Variants in UPF1 observed in about 807,000 individuals in gnomAD.
UPF1 encodes the protein regulator of nonsense transcripts 1.
A neutral mutation model predicts 129.2 loss-of-function variants in UPF1; 9 were observed. The ratio of observed to expected loss-of-function variants is 0.07; its 90% CI spans 0.04 to 0.12. UPF1 has a LOEUF of 0.12. UPF1 is among the 10% of genes least tolerant of loss of function. The probability of loss-of-function intolerance (pLI) is 1.00; values close to 1 mark genes in which losing one functional copy is unlikely to be tolerated. For missense variants in UPF1, 788 were observed against 1,525.3 expected, an observed-to-expected ratio of 0.52 and a Z score of 8.05; for synonymous variants, 649 against 644.9, an observed-to-expected ratio of 1.01 and a Z score of -0.10.
In UPF1 at chr19:18,855,223, C is replaced by T. The variant is rs1003956120; in HGVS notation, c.1525C>T (p.Leu509=). ...GACGTCGGCCACCATCGTCTACCAC[C>T]TGGCCCGGCAAGGCAACGGGTAGGG... ...TVTSATIVYH[L]ARQGNGPVLV... The change falls in exon 11 of 24, where the codon CTG becomes TTG. Residue 509 remains leucine (L), a synonymous_variant. Coordinates refer to ENST00000262803, the MANE Select transcript of UPF1 (RefSeq NM_002911.4). The T allele has an allele frequency of 5.0e-6, 8 of 1,612,020 alleles. No homozygotes were observed. Among genetic ancestry groups the T allele is most frequent in the Non-Finnish European group, 6.8e-6 (8 of 1,179,974 alleles).
chr19:18,860,114 C>CT (rs1317401534), intron 15 of UPF1: 1 of 610,986 alleles, frequency 1.6e-6, no homozygotes, highest in African/African-American at 1.8e-5. Flanking sequence ...CCATGGTGCT[C>CT]TCGGTGGCCT....
At position 18,862,061 on chromosome 19, in the gene UPF1, A is replaced by G; in HGVS notation, c.2509A>G (p.Ile837Val). The change falls in exon 18 of 24, where the codon ATC becomes GTC. Residue 837 changes from isoleucine to valine, a missense_variant. This residue lies in a region of UPF1 where 140 missense variants were observed against 385.9 expected (regional missense o/e 0.36). Coordinates refer to ENST00000262803, the MANE Select transcript of UPF1 (RefSeq NM_002911.4). Reference sequence around the variant, plus strand: ...CTTTCAGGGACGCGAGAAGGACTTCATCATCCTGTCCTGTGTGCGGGCCAA... The same window carrying G: ...CTTTCAGGGACGCGAGAAGGACTTCGTCATCCTGTCCTGTGTGCGGGCCAA... ...DAFQGREKDF[I>V]ILSCVRANEH... 6.2e-7 allele frequency: 1 copy of G among 1,614,084 alleles called. No homozygotes were observed. The highest frequency in any genetic ancestry group is 8.5e-7 in the Non-Finnish European group (1 of 1,180,028).
In UPF1 at chr19:18,850,447, C is replaced by G. The variant is rs973252488; in HGVS notation, c.629+205C>G. ...GCAGTGCCGTGTAACTCTTTTGGGG[C>G]GTTCTGGCTAAGTCATAAAAACAAT... is the stretch of plus-strand genomic sequence containing the variant. On this transcript the variant is annotated intron_variant, in intron 4 of 23. Coordinates refer to ENST00000262803, the MANE Select transcript of UPF1 (RefSeq NM_002911.4). The surrounding 1 kb of genome is among the most constrained non-coding windows in gnomAD (Gnocchi z 7.1). Among the ~76,000 whole-genome samples, 1 of 152,234 alleles carries G rather than the reference C, an allele frequency of 6.6e-6. No individual in the cohort carries two copies. Among genetic ancestry groups the G allele is most frequent in the African/African-American group, 2.4e-5 (1 of 41,458 alleles).
chr19:18,854,551 A>T, intron 8 of UPF1, 50 bp from the exon 9 acceptor site: 2 of 1,503,622 alleles, frequency 1.3e-6, no homozygotes, highest in South Asian at 2.3e-5. Context: ...GGTGGCCCAG[A>T]AAGGTCAGCC....
In UPF1 at chr19:18,857,191, C is replaced by T. The variant is rs547131739; in HGVS notation, c.1969-129C>T. ...TTCTGCCAGCTGCACGTCCAGTGTG[C>T]GTGGTGAGCAATGCCCCTGTGGCCA... On this transcript the variant is annotated intron_variant, in intron 14 of 23. Transcript: ENST00000262803. 262 of 1,458,128 alleles carry T rather than the reference C, an allele frequency of 1.8e-4. 1 individual carries two copies. The highest frequency in any genetic ancestry group is 1.4e-3 in the East Asian group (61 of 43,780). The allele number at this position is 1,458,128 out of a possible 1,614,324, so 90.3% of individuals were successfully genotyped here.
rs1396108014 is a variant in UPF1 at position 18,855,996 on chromosome 19, T to C, written c.1616T>C (p.Leu539Pro). 1 of 1,613,990 alleles carries C rather than the reference T, an allele frequency of 6.2e-7. No individual in the cohort carries two copies. Among genetic ancestry groups the C allele is most frequent in the Admixed American group, 1.7e-5 (1 of 60,026 alleles). The change falls in exon 12 of 24, where the codon CTA becomes CCA. Residue 539 changes from leucine to proline, a missense_variant. By Grantham distance (98) the Leu-to-Pro change is moderately conservative. Around this residue, in one of 6 missense-constraint regions of UPF1, gnomAD observed 91 missense variants for 157.2 expected, o/e 0.58. Coordinates refer to ENST00000262803, the MANE Select transcript of UPF1 (RefSeq NM_002911.4). ...QLTEKIHQTG[L>P]KVVRLCAKSR... is the part of the protein sequence containing the mutation. The stretch of plus-strand genomic sequence containing the variant: ...ACGGAGAAGATCCACCAGACGGGGC[T>C]AAAGGTCGTGCGCCTCTGCGCCAAG...
chr19:18,863,615 G>A lies in UPF1; in HGVS notation c.2775+3G>A. On this transcript the variant is annotated splice_donor_region_variant and intron_variant, in intron 19 of 23. Transcript: ENST00000262803. Reference sequence around the variant, plus strand: ...AGCTGGTCAACACTATCAACCCGGTGAGCGCCTGCACAGGACAGCAGGGCA... The same window carrying A: ...AGCTGGTCAACACTATCAACCCGGTAAGCGCCTGCACAGGACAGCAGGGCA... 6.2e-7 allele frequency: 1 copy of A among 1,612,566 alleles called. No homozygotes were observed. The highest frequency in any genetic ancestry group is 8.5e-7 in the Non-Finnish European group (1 of 1,179,452).
At chr19:18,861,534 G>C (rs1452965100) in intron 17 of UPF1, among the ~76,000 whole-genome samples, 1 of 152,210 alleles carries the variant, frequency 6.6e-6, no homozygotes, top group Non-Finnish European at 1.5e-5. Flanking sequence ...ACAAATCTCC[G>C]TGGCTAAAAG....
chr19:18,837,697 G>A (rs1342556412), intron 1 of UPF1, among the ~76,000 whole-genome samples: 1 of 152,208 alleles, frequency 6.6e-6, no homozygotes, highest in Non-Finnish European at 1.5e-5. Context: ...GGGTGACCTT[G>A]TAGATAGATG....
At chr19:18,854,786 T>C (rs2055697509) in intron 9 of UPF1, 77 bp downstream of exon 9, 3 of 1,605,204 alleles carry the variant, frequency 1.9e-6, no homozygotes, top group Non-Finnish European at 2.6e-6. Flanking sequence ...CCCGTCACTG[T>C]GGAGTGGGGT....
chr19:18,850,043 G>A lies in UPF1; in HGVS notation c.462-32G>A, dbSNP rs940118930. The A allele has an allele frequency of 1.2e-6, 2 of 1,612,786 alleles. No homozygotes were observed. Among genetic ancestry groups the A allele is most frequent in the Admixed American group, 3.4e-5 (2 of 59,594 alleles). On this transcript the variant is annotated intron_variant, in intron 3 of 23. Coordinates refer to ENST00000262803, the MANE Select transcript of UPF1 (RefSeq NM_002911.4). This position sits in a 1 kb window ranked among gnomAD's most constrained non-coding sequence, Gnocchi z 7.1. The stretch of plus-strand genomic sequence containing the variant: ...GGAAGTGGTGAAAAGCCAAATTTTG[G>A]GTGTTAACCGTTTATCATTTCCTGG...
intron 1 of UPF1, among the ~76,000 whole-genome samples, chr19:18,835,504 G>A (rs1189675941): frequency 6.6e-6 from 1 of 152,068 alleles, no homozygotes; most frequent in Non-Finnish European, 1.5e-5. Flanking sequence ...ACCATGCCCC[G>A]GCTAATTTTT....
At position 18,854,614 on chromosome 19, in the gene UPF1, G is replaced by C. The variant is rs1440627868; in HGVS notation, c.1170G>C (p.Glu390Asp). 1.2e-6 allele frequency: 2 copies of C among 1,612,112 alleles called. No individual in the cohort carries two copies. The highest frequency in any genetic ancestry group is 2.2e-5 in the South Asian group (2 of 90,904). ...VIKVPDNYGD[E>D]IAIELRSSVG... The stretch of plus-strand genomic sequence containing the variant: ...CTCAGCACACAGATTATGGCGATGA[G>C]ATCGCCATTGAGCTGCGGAGCAGCG... The change falls in exon 9 of 24, where the codon GAG (glutamate) becomes GAC (aspartate). Residue 390 changes from glutamate (E) to aspartate (D), a missense_variant. By Grantham distance (45) the Glu-to-Asp change is conservative (BLOSUM62 2). Coordinates refer to ENST00000262803, the MANE Select transcript of UPF1 (RefSeq NM_002911.4).
In UPF1 at chr19:18,838,001, TC is replaced by T. The variant is rs1601094179; in HGVS notation, c.231+5563del. On this transcript the variant is annotated intron_variant, in intron 1 of 23. Transcript: ENST00000262803. ...GAGTGTGTAAACCTGGGCTCACTTT[TC>T]CTTTTGAAGTGGTAAAATACTCAGG... is the stretch of plus-strand genomic sequence containing the variant. Among the ~76,000 whole-genome samples, 7 of 152,368 alleles carry T rather than the reference TC, an allele frequency of 4.6e-5. No individual in the cohort carries two copies. In the East Asian group the frequency reaches 1.3e-3, roughly 29 times the overall value.
chr19:18,846,184 G>A, intron 2 of UPF1, 65 bp downstream of exon 2: 1 of 1,597,076 alleles, frequency 6.3e-7, no homozygotes, highest in Non-Finnish European at 8.5e-7. Context: ...CATGGGCCTG[G>A]GACACTCACC....
At chr19:18,848,686 C>G (rs2055625795) in intron 3 of UPF1, among the ~76,000 whole-genome samples, 1 of 152,040 alleles carries the variant, frequency 6.6e-6, no homozygotes, top group Admixed American at 6.6e-5. Flanking sequence ...ACAGATGGAG[C>G]AGTCAGATCT....
intron 1 of UPF1, among the ~76,000 whole-genome samples, chr19:18,844,897 C>T (rs905857434): frequency 1.3e-5 from 2 of 152,248 alleles, no homozygotes; most frequent in African/African-American, 4.8e-5. Context: ...GAGAAGTTAA[C>T]CCAGAAGTCA....
In UPF1 at chr19:18,856,082, A is replaced by G. The variant is rs2055714394; in HGVS notation, c.1702A>G (p.Met568Val). Reference sequence around the variant, plus strand: ...GGCCCTGCACAACCAGATCAGGAACATGGACAGGTGTGTGTCGAGTCCATC... The same window carrying G: ...GGCCCTGCACAACCAGATCAGGAACGTGGACAGGTGTGTGTCGAGTCCATC... ...FLALHNQIRN[M>V]DSMPELQKLQ... is the part of the protein sequence containing the mutation. The change falls in exon 12 of 24, where the codon ATG (methionine) becomes GTG (valine). Residue 568 changes from methionine (M) to valine (V), a missense_variant. Coordinates refer to ENST00000262803, the MANE Select transcript of UPF1 (RefSeq NM_002911.4). The G allele has an allele frequency of 1.2e-6, 2 of 1,613,924 alleles. No homozygotes were observed. Among genetic ancestry groups the G allele is most frequent in the Non-Finnish European group, 8.5e-7 (1 of 1,179,954 alleles).
At chr19:18,845,415 A>G (rs1056217137) in intron 1 of UPF1, among the ~76,000 whole-genome samples, 6 of 152,122 alleles carry the variant, frequency 3.9e-5, no homozygotes, top group African/African-American at 1.4e-4. Flanking sequence ...CTGAACATAG[A>G]AGAGGCGCCT....
Sources: allele counts gnomAD v4.1 joint callset (sites outside exome capture counted in the v4.1 genomes callset), GRCh38; gene constraint gnomAD v4.1.1; regional missense constraint gnomAD v4.1.1; non-coding constraint Gnocchi (gnomAD v3.1); transcripts MANE v1.5; gene names NCBI Gene and HGNC (gene_info 2026-07-23, HGNC 2026-07-21).